ANO3: variants seen among roughly 807,000 people sequenced by gnomAD.
ANO3 encodes the protein anoctamin 3, also known as anoctamin-3.
In ANO3, 99 loss-of-function variants were observed where a neutral mutation model predicts 144.8. That is an observed-to-expected ratio of 0.68 (90% CI 0.58 to 0.81). ANO3 has a LOEUF of 0.81. ANO3 is among the 30% of genes least tolerant of loss of function. The pLI is 0.00. For missense variants in ANO3, 905 were observed against 1,202.2 expected (o/e 0.75, Z 3.66); for synonymous variants, 414 against 392.6 (o/e 1.05, Z -0.64).
chr11:26,537,508 T>A (rs769982669), intron 10 of ANO3, 47 bp downstream of exon 10: 1 of 1,463,112 alleles, frequency 6.8e-7, no homozygotes, highest in Non-Finnish European at 9.6e-7. Flanking sequence ...GTTTTCATGC[T>A]CAATGCTTGG....
At chr11:26,458,302 T>G (rs1859244398) in intron 3 of ANO3, among the ~76,000 whole-genome samples, 1 of 152,142 alleles carries the variant, frequency 6.6e-6, no homozygotes, top group Non-Finnish European at 1.5e-5. Flanking sequence ...GCAATATGAC[T>G]GTCTCCATTG....
At position 26,516,908 on chromosome 11, in the gene ANO3, A is replaced by T; in HGVS notation, c.673A>T (p.Asn225Tyr). Residue 225 changes from asparagine to tyrosine, a missense_variant, in exon 6 of 27, where the codon AAT (asparagine) becomes TAT (tyrosine). Asn to Tyr is a moderately radical substitution (Grantham distance 143). Around this residue, in one of 4 missense-constraint regions of ANO3, gnomAD observed 63 missense variants for 107.3 expected, o/e 0.59. Coordinates refer to ENST00000256737, the MANE Select transcript of ANO3 (RefSeq NM_031418.4). ...DTLCKYAERL[N>Y]IRMPFRKKCY... Reference sequence around the variant, plus strand: ...GCTGTGCAAGTATGCAGAGAGGCTGAATATCAGGATGCCCTTCAGGTACTT... The same window carrying T: ...GCTGTGCAAGTATGCAGAGAGGCTGTATATCAGGATGCCCTTCAGGTACTT... 1.2e-6 allele frequency: 2 copies of T among 1,607,948 alleles called. No individual in the cohort carries two copies. Among genetic ancestry groups the T allele is most frequent in the Non-Finnish European group, 1.7e-6 (2 of 1,175,506 alleles).
At chr11:26,493,838 A>C (rs1470986927) in intron 4 of ANO3, among the ~76,000 whole-genome samples, 1 of 152,138 alleles carries the variant, frequency 6.6e-6, no homozygotes, top group Admixed American at 6.5e-5. Context: ...CTGCCACCTG[A>C]CACCCTCTGA....
chr11:26,376,343 A>G (rs879184515), intron 1 of ANO3, among the ~76,000 whole-genome samples: 8 of 152,196 alleles, frequency 5.3e-5, no homozygotes, highest in Admixed American at 5.2e-4. Flanking sequence ...ACTTAAAAAA[A>G]AGACAGGGAA....
intron 11 of ANO3, 119 bp downstream of exon 11, chr11:26,542,187 A>G (rs544981010): frequency 1.8e-5 from 20 of 1,128,108 alleles, no homozygotes; most frequent in East Asian, 1.1e-4. Flanking sequence ...AGCAACCACT[A>G]TAAGATTTTT....
At chr11:26,527,392 C>A (rs2134171056) in intron 7 of ANO3, among the ~76,000 whole-genome samples, 1 of 152,146 alleles carries the variant, frequency 6.6e-6, no homozygotes, top group African/African-American at 2.4e-5. Flanking sequence ...CTCTAGCCCA[C>A]CCCTTTTCAT....
At chr11:26,290,103 A>C (rs1165470722) in intron 1 of ANO3, among the ~76,000 whole-genome samples, 1 of 152,088 alleles carries the variant, frequency 6.6e-6, no homozygotes, top group Non-Finnish European at 1.5e-5. Flanking sequence ...TTATTGGTCT[A>C]TTCAGGGATT....
rs186136573 is a variant in ANO3 at position 26,310,415 on chromosome 11, A to G, written c.-3+696A>G. 2.5e-4 allele frequency among the ~76,000 whole-genome samples: 38 copies of G among 152,336 alleles called. No homozygotes were observed. In the East Asian group the frequency reaches 7.3e-3, roughly 29 times the overall value. On this transcript the variant is annotated intron_variant, in intron 1 of 26. Coordinates refer to the ANO3 transcript ENST00000525139. ...CAGAAGGTAGCTATTCACATGAGAA[A>G]ACATAAAATAGAGAGTTAAACATTG...
chr11:26,639,004 T>A, intron 20 of ANO3, 140 bp from the exon 21 acceptor site: 1 of 601,030 alleles, frequency 1.7e-6, no homozygotes, highest in South Asian at 2.2e-5. Context: ...ATACATGCTG[T>A]TTCTTTCTTG....
intron 17 of ANO3, among the ~76,000 whole-genome samples, chr11:26,609,601 T>C (rs1162681737): frequency 6.6e-6 from 1 of 152,098 alleles, no homozygotes; most frequent in East Asian, 1.9e-4. Context: ...CAGCCATCTT[T>C]GGCCCCGCCC....
At chr11:26,478,903 G>T (rs934474746) in intron 4 of ANO3, among the ~76,000 whole-genome samples, 1 of 152,140 alleles carries the variant, frequency 6.6e-6, no homozygotes, top group Non-Finnish European at 1.5e-5. Flanking sequence ...TGCTTGTGCC[G>T]CTGGAGCAGA....
intron 5 of ANO3, among the ~76,000 whole-genome samples, chr11:26,515,763 T>C (rs573738690): frequency 6.6e-6 from 1 of 152,096 alleles, no homozygotes; most frequent in South Asian, 2.1e-4. Context: ...CAAATGGAGC[T>C]CAGCTGTGTC....
chr11:26,448,332 G>T (rs1590367503), intron 3 of ANO3, among the ~76,000 whole-genome samples: 1 of 151,690 alleles, frequency 6.6e-6, no homozygotes. Context: ...AATATTTAGG[G>T]CTCACTAAGA....
At chr11:26,245,018 T>TGC (rs1554928313) in intron 1 of ANO3, among the ~76,000 whole-genome samples, 3,054 of 145,404 alleles carry the variant, frequency 0.021, 52 homozygotes, top group African/African-American at 0.033. Context: ...TGTGTGTGTG[T>TGC]GTGCATGCAT....
intron 11 of ANO3, among the ~76,000 whole-genome samples, chr11:26,543,877 G>C (rs964115299): frequency 2.0e-5 from 3 of 151,956 alleles, no homozygotes; most frequent in African/African-American, 7.3e-5. Context: ...CTTTGGATTG[G>C]TTCCAAGTCT....
intron 4 of ANO3, among the ~76,000 whole-genome samples, chr11:26,483,323 T>C (rs1860301575): frequency 6.6e-6 from 1 of 152,190 alleles, no homozygotes; most frequent in African/African-American, 2.4e-5. Flanking sequence ...TTTCTGATGA[T>C]ATGGTTTGGA....
chr11:26,530,474 TATCTATCTATCTATCTATCTATCTATC>T (rs1404457465), intron 7 of ANO3, among the ~76,000 whole-genome samples: 42 of 71,278 alleles, frequency 5.9e-4, no homozygotes, highest in Non-Finnish European at 9.6e-4. Flanking sequence ...TCTATCTATC[TATCTATCTATCTATCTATCTATCTATC>T]ATCTATCTAT....
rs58028308 is a variant in ANO3 at position 26,223,602 on chromosome 11, T to TAAA, written c.154+34290_154+34292dup. Among the ~76,000 whole-genome samples the TAAA allele has an allele frequency of 2.1e-3, 221 of 103,894 alleles. 3 individuals are homozygous for TAAA. Among genetic ancestry groups the TAAA allele is most frequent in the East Asian group, 0.019 (75 of 3,906 alleles). The allele number at this position is 103,894 out of a possible 152,430, so 68.2% of individuals were successfully genotyped here. ...GTGCTAGTCCATTCTAGCTTTTTAA[T>TAAA]AAAAAAAAAAAAAAAAAAAACCCTG... On this transcript the variant is annotated intron_variant, in intron 1 of 27. Transcript: ENST00000672621.
At chr11:26,189,340 C>A (rs1472348151) in intron 1 of ANO3, 20 of 984,424 alleles carry the variant, frequency 2.0e-5, no homozygotes, top group Non-Finnish European at 2.4e-5. Flanking sequence ...GGTAAGCTAA[C>A]CTTTAGATTG....
Sources: allele counts gnomAD v4.1 joint callset (sites outside exome capture counted in the v4.1 genomes callset), GRCh38; gene constraint gnomAD v4.1.1; regional missense constraint gnomAD v4.1.1; transcripts MANE v1.5; gene names NCBI Gene and HGNC (gene_info 2026-07-23, HGNC 2026-07-21).